Variants in THADA observed in about 807,000 individuals in gnomAD.
The protein encoded by THADA is tRNA (32-2'-O)-methyltransferase regulator THADA.
THADA carries 213 observed loss-of-function variants against 219.8 expected under a neutral mutation model. The observed-to-expected ratio is 0.97, with a 90% CI of 0.87 to 1.09. THADA has a LOEUF of 1.09. THADA is among the 50% of genes least tolerant of loss of function. The pLI, the probability that THADA is intolerant of heterozygous loss-of-function variation, is 0.00. For missense variants in THADA, 2,956 were observed against 2,311.3 expected (o/e 1.28, Z -5.72); for synonymous variants, 1,018 against 828.9 (o/e 1.23, Z -3.92).
intron 29 of THADA, chr2:43,372,295 A>T (rs896549573): frequency 6.6e-6 from 1 of 152,224 alleles, no homozygotes; most frequent in African/African-American, 2.4e-5. Context: ...AAAACACACA[A>T]GTACTGTTTC....
chr2:43,294,816 G>A (rs1572951743), intron 31 of THADA, among the ~76,000 whole-genome samples: 1 of 151,476 alleles, frequency 6.6e-6, no homozygotes, highest in Admixed American at 6.6e-5. Flanking sequence ...TGAAGCCAAG[G>A]TGATCATTTA....
chr2:43,567,111 C>G lies in THADA; in HGVS notation c.2188-290G>C, dbSNP rs1180016549. ...TTTTTTTTTTTTTTTAAGACAGAGT[C>G]TCGCTGGGTTCAACAGCCCTAGTCT... On this transcript the variant is annotated intron_variant, in intron 14 of 37. Transcript: ENST00000405975. Among the ~76,000 whole-genome samples, 4 of 149,068 alleles carry G rather than the reference C, an allele frequency of 2.7e-5. No homozygotes were observed. The East Asian group carries it at 7.8e-4, about 29-fold the overall frequency.
intron 29 of THADA, among the ~76,000 whole-genome samples, chr2:43,367,627 G>C (rs1365075437): frequency 2.0e-5 from 3 of 152,098 alleles, no homozygotes; most frequent in Non-Finnish European, 4.4e-5. Flanking sequence ...GAAATACCAA[G>C]GTCTGTCATT....
At chr2:43,533,522 A>G (rs1694159896) in intron 21 of THADA, among the ~76,000 whole-genome samples, 1 of 152,250 alleles carries the variant, frequency 6.6e-6, no homozygotes, top group Non-Finnish European at 1.5e-5. Flanking sequence ...GGCTAAAGAA[A>G]ATGTGGCACA....
chr2:43,234,758 A>G (rs924301582), intron 36 of THADA, among the ~76,000 whole-genome samples: 1 of 151,858 alleles, frequency 6.6e-6, no homozygotes, highest in Admixed American at 6.6e-5. Context: ...GGTTCAAGCA[A>G]TTCTCCTGCC....
At chr2:43,278,043 T>C (rs1672926828) in intron 36 of THADA, among the ~76,000 whole-genome samples, 1 of 151,108 alleles carries the variant, frequency 6.6e-6, no homozygotes, top group South Asian at 2.1e-4. Context: ...CTATGCCTCC[T>C]GGGTTCAAGA....
At chr2:43,463,330 GC>G (rs1444026356) in intron 26 of THADA, 1 of 152,186 alleles carries the variant, frequency 6.6e-6, no homozygotes, top group South Asian at 2.1e-4. Flanking sequence ...AAAGCAAACA[GC>G]CCGTGGAGTC....
At chr2:43,525,510 G>A (rs1486865638) in intron 22 of THADA, among the ~76,000 whole-genome samples, 1 of 152,160 alleles carries the variant, frequency 6.6e-6, no homozygotes, top group East Asian at 1.9e-4. Flanking sequence ...GAAGCAAGCT[G>A]CCATATAAGA....
intron 20 of THADA, among the ~76,000 whole-genome samples, chr2:43,546,883 T>C (rs1382880926): frequency 1.3e-5 from 2 of 152,218 alleles, no homozygotes; most frequent in Non-Finnish European, 2.9e-5. Context: ...TTAAAGTTAA[T>C]ATTGTTATGT....
At chr2:43,247,754 A>AAG (rs1558462951) in intron 36 of THADA, among the ~76,000 whole-genome samples, 40 of 130,734 alleles carry the variant, frequency 3.1e-4, no homozygotes, top group South Asian at 1.2e-3. Context: ...AAAAAAAAAA[A>AAG]GGGGGGTGCT....
chr2:43,556,184 T>C (rs1697319811), intron 17 of THADA, 161 bp downstream of exon 17: 1 of 1,383,838 alleles, frequency 7.2e-7, no homozygotes, highest in African/African-American at 1.5e-5. Flanking sequence ...TATAGCTGAC[T>C]AAAATGTTCA....
Position 43,555,229 on chromosome 2 carries a change from G to A in THADA, c.2674+1116C>T, listed in dbSNP as rs373672467. ...AATATATAATAATATATACACCAGA[G>A]GCAATATTATTAAAAAAAAGAAGAT... On this transcript the variant is annotated intron_variant, in intron 17 of 37. Coordinates refer to ENST00000405975, the MANE Select transcript of THADA (RefSeq NM_022065.5). Among the ~76,000 whole-genome samples the A allele has an allele frequency of 2.6e-5, 4 of 151,008 alleles. No homozygotes were observed. In the South Asian group the frequency reaches 8.4e-4, roughly 32 times the overall value.
At chr2:43,589,432 G>A (rs1443546445) in intron 4 of THADA, among the ~76,000 whole-genome samples, 1 of 152,158 alleles carries the variant, frequency 6.6e-6, no homozygotes, top group Non-Finnish European at 1.5e-5. Flanking sequence ...ATTTATGAAC[G>A]GAAAGTGGCT....
chr2:43,345,894 C>A (rs902898284), intron 29 of THADA, among the ~76,000 whole-genome samples: 3 of 152,220 alleles, frequency 2.0e-5, no homozygotes, highest in Non-Finnish European at 4.4e-5. Context: ...GATGTTTAAA[C>A]TTAGTCCTAT....
intron 22 of THADA, among the ~76,000 whole-genome samples, chr2:43,515,186 A>ATATATT (rs1691388613): frequency 4.7e-5 from 1 of 21,334 alleles, no homozygotes; most frequent in Non-Finnish European, 7.6e-5. Flanking sequence ...TATTATATAT[A>ATATATT]ATATATTATA....
intron 22 of THADA, among the ~76,000 whole-genome samples, chr2:43,519,704 T>C (rs1329256007): frequency 1.3e-5 from 2 of 152,170 alleles, no homozygotes; most frequent in Non-Finnish European, 2.9e-5. Flanking sequence ...TGGCACACAG[T>C]AGATGTTTAA....
At chr2:43,520,713 T>TATATATATATATACACAC (rs1218079783) in intron 22 of THADA, among the ~76,000 whole-genome samples, 1 of 125,050 alleles carries the variant, frequency 8.0e-6, no homozygotes, top group African/African-American at 3.0e-5. Flanking sequence ...TATATATATA[T>TATATATATATATACACAC]ACACACACAC....
In THADA at chr2:43,341,488, A is replaced by C. The variant is rs1357521738; in HGVS notation, c.4343+2634T>G. 2.0e-5 allele frequency among the ~76,000 whole-genome samples: 3 copies of C among 152,198 alleles called. No individual in the cohort carries two copies. In the East Asian group the frequency reaches 5.8e-4, roughly 29 times the overall value. ...GAAGCTGATGGCAGCTTTGTCAGCCATCTTCAGGCACTGCACAACATGAAG... is the reference window on the plus strand; with the variant it reads ...GAAGCTGATGGCAGCTTTGTCAGCCCTCTTCAGGCACTGCACAACATGAAG... On this transcript the variant is annotated intron_variant, in intron 30 of 37. Coordinates refer to ENST00000405975, the MANE Select transcript of THADA (RefSeq NM_022065.5).
intron 29 of THADA, among the ~76,000 whole-genome samples, chr2:43,345,571 G>A (rs1422409189): frequency 2.0e-5 from 3 of 152,158 alleles, no homozygotes; most frequent in Admixed American, 2.0e-4. Context: ...CAAACCACCC[G>A]ACGTGGAGTC....
Sources: gnomAD v4.1 joint callset for allele counts (sites outside exome capture counted in the v4.1 genomes callset) on GRCh38, gnomAD v4.1.1 for gene constraint, MANE v1.5 for transcripts, NCBI Gene and HGNC (gene_info 2026-07-23, HGNC 2026-07-21) for gene names.